BRDT: variants seen among roughly 807,000 people sequenced by gnomAD.
The protein encoded by BRDT is bromodomain testis associated.
In BRDT, 77 loss-of-function variants were observed where a neutral mutation model predicts 113.9. The ratio of observed to expected loss-of-function variants is 0.68; its 90% confidence interval spans 0.56 to 0.82. The LOEUF is 0.82. BRDT is among the 40% of genes least tolerant of loss of function. The probability of loss-of-function intolerance (pLI) is 0.00; values close to 1 mark genes in which losing one functional copy is unlikely to be tolerated. For missense variants in BRDT, 1,027 were observed against 1,105.4 expected, an observed-to-expected ratio of 0.93 and a Z score of 1.01; for synonymous variants, 358 against 366.5, an observed-to-expected ratio of 0.98 and a Z score of 0.26.
At chr1:91,964,048 G>T (rs564846633) in intron 2 of BRDT, among the ~76,000 whole-genome samples, 42 of 150,256 alleles carry the variant, frequency 2.8e-4, no homozygotes, top group Admixed American at 2.3e-3. Context: ...ATTTTCTGTT[G>T]TTTTTTTTTG....
At chr1:91,984,624 A>G (rs1685031637) in intron 12 of BRDT, among the ~76,000 whole-genome samples, 1 of 152,166 alleles carries the variant, frequency 6.6e-6, no homozygotes, top group South Asian at 2.1e-4. Context: ...AAATATAAAT[A>G]TGAAAAAATA....
rs374950160 is a variant in BRDT at position 91,982,751 on chromosome 1, A to G, written c.2002+996A>G. On this transcript the variant is annotated intron_variant, in intron 12 of 18. Transcript: ENST00000399546. ...TGCTGTATTTTGTTTTTACATTTCTAAAGTATGTAGTGATAAACATTTTTG... is the reference window on the plus strand; with the variant it reads ...TGCTGTATTTTGTTTTTACATTTCTGAAGTATGTAGTGATAAACATTTTTG... Among the ~76,000 whole-genome samples the G allele has an allele frequency of 3.9e-5, 6 of 152,036 alleles. No individual in the cohort carries two copies. In the East Asian group the frequency reaches 1.2e-3, roughly 29 times the overall value.
chr1:91,965,730 C>T (rs910417092), intron 3 of BRDT, among the ~76,000 whole-genome samples: 6 of 152,038 alleles, frequency 3.9e-5, no homozygotes, highest in African/African-American at 1.4e-4. Flanking sequence ...GCCTGTAGTC[C>T]CAGCTACTCG....
At chr1:92,008,734 G>T (rs1570656075) in intron 18 of BRDT, among the ~76,000 whole-genome samples, 1 of 152,156 alleles carries the variant, frequency 6.6e-6, no homozygotes, top group Non-Finnish European at 1.5e-5. Flanking sequence ...TGTCCAGAAT[G>T]TCATATAGTT....
At chr1:91,957,814 T>G (rs1232231990) in intron 1 of BRDT, among the ~76,000 whole-genome samples, 1 of 152,130 alleles carries the variant, frequency 6.6e-6, no homozygotes, top group East Asian at 1.9e-4. Context: ...TTTTACTATC[T>G]CTATAGTTTT....
intron 12 of BRDT, among the ~76,000 whole-genome samples, chr1:91,985,182 A>G (rs1685096714): frequency 6.6e-6 from 1 of 151,800 alleles, no homozygotes; most frequent in East Asian, 2.0e-4. Flanking sequence ...CCCGGGTTCA[A>G]GCGATCGAGT....
chr1:91,980,802 A>G lies in BRDT; in HGVS notation c.1447A>G (p.Lys483Glu). The G allele has an allele frequency of 6.3e-7, 1 of 1,597,238 alleles. No individual in the cohort carries two copies. Among genetic ancestry groups the G allele is most frequent in the African/African-American group, 1.4e-5 (1 of 73,662 alleles). The change falls in exon 9 of 19, where the codon AAG becomes GAG. Residue 483 changes from lysine to glutamate, a missense_variant. By Grantham distance (56) the Lys-to-Glu change is moderately conservative (BLOSUM62 1). Coordinates refer to ENST00000399546, the MANE Select transcript of BRDT (RefSeq NM_207189.4). ...GTGTGAGCAAATGAGGCTAAAGGAA[A>G]AGTCCAAGAGAAAGTAAGTATCTTT... Reference protein sequence around the residue: ...KMCEQMRLKEKSKRNQPKKRK... With the variant: ...KMCEQMRLKEESKRNQPKKRK...
chr1:91,999,671 A>G (rs74101069), intron 15 of BRDT, among the ~76,000 whole-genome samples: 10,179 of 152,094 alleles, frequency 0.067, 396 homozygotes, highest in African/African-American at 0.096. Flanking sequence ...ATCATTTTCT[A>G]TATATCATGA....
At chr1:92,006,913 G>A (rs766364783) in intron 18 of BRDT, among the ~76,000 whole-genome samples, 15 of 151,570 alleles carry the variant, frequency 9.9e-5, no homozygotes, top group Non-Finnish European at 1.8e-4. Flanking sequence ...TCAGCCTCCC[G>A]AGTAGCTGGG....
intron 12 of BRDT, among the ~76,000 whole-genome samples, chr1:91,984,607 AAAAAT>A (rs751643033): frequency 6.6e-6 from 1 of 152,200 alleles, no homozygotes; most frequent in Non-Finnish European, 1.5e-5. Context: ...TATGAATATG[AAAAAT>A]AAAATATAAA....
At chr1:91,963,650 T>C (rs1682743657) in intron 2 of BRDT, among the ~76,000 whole-genome samples, 1 of 152,172 alleles carries the variant, frequency 6.6e-6, no homozygotes, top group South Asian at 2.1e-4. Context: ...TAGTTTACAA[T>C]ATAGCTAGTC....
chr1:91,952,698 G>C (rs887240516), intron 1 of BRDT, among the ~76,000 whole-genome samples: 2 of 150,822 alleles, frequency 1.3e-5, no homozygotes, highest in Non-Finnish European at 2.9e-5. Flanking sequence ...CGTAGCACTT[G>C]GGGAGCTTGA....
At chr1:91,972,541 TG>T (rs1193678841) in intron 4 of BRDT, among the ~76,000 whole-genome samples, 1 of 152,226 alleles carries the variant, frequency 6.6e-6, no homozygotes, top group African/African-American at 2.4e-5. Context: ...CCTAAAATGG[TG>T]TCCAACACGC....
At chr1:91,961,976 T>G (rs1157527440) in intron 1 of BRDT, among the ~76,000 whole-genome samples, 1 of 151,606 alleles carries the variant, frequency 6.6e-6, no homozygotes, top group Non-Finnish European at 1.5e-5. Context: ...AAACCCCATC[T>G]CTACTAAAAA....
At chr1:91,985,031 A>G (rs1263892369) in intron 12 of BRDT, among the ~76,000 whole-genome samples, 1 of 152,134 alleles carries the variant, frequency 6.6e-6, no homozygotes, top group East Asian at 1.9e-4. Flanking sequence ...ATTCTGATTA[A>G]TAGGCTTTTG....
intron 1 of BRDT, among the ~76,000 whole-genome samples, chr1:91,956,218 C>T (rs919460960): frequency 6.6e-6 from 1 of 151,844 alleles, no homozygotes; most frequent in African/African-American, 2.4e-5. Flanking sequence ...TTTCTTTTGC[C>T]ACCTTTCTGG....
intron 18 of BRDT, among the ~76,000 whole-genome samples, chr1:92,010,084 T>C (rs1455040362): frequency 1.3e-5 from 2 of 152,056 alleles, no homozygotes; most frequent in African/African-American, 2.4e-5. Context: ...GTTTCAGCAA[T>C]TGTTTTCTTC....
intron 12 of BRDT, among the ~76,000 whole-genome samples, chr1:91,989,473 G>T (rs547178031): frequency 1.3e-5 from 2 of 151,994 alleles, no homozygotes; most frequent in Non-Finnish European, 2.9e-5. Context: ...CTATTCTCCC[G>T]CCTCAGCCTC....
Position 91,968,129 on chromosome 1 carries a change from TTTAA to T in BRDT, c.331-15_331-12del. 6.2e-7 allele frequency: 1 copy of T among 1,612,594 alleles called. No homozygotes were observed. The highest frequency in any genetic ancestry group is 8.5e-7 in the Non-Finnish European group (1 of 1,179,256). On this transcript the variant is annotated splice_polypyrimidine_tract_variant and intron_variant, in intron 3 of 18. Transcript: ENST00000399546. ...CCATACTGTATATCCTTATGGTATA[TTTAA>T]TATATTTTGTAGCCTGGAGATGACA...
Sources: gnomAD v4.1 joint callset for allele counts (sites outside exome capture counted in the v4.1 genomes callset) on GRCh38, gnomAD v4.1.1 for gene constraint, MANE v1.5 for transcripts, NCBI Gene and HGNC (gene_info 2026-07-23, HGNC 2026-07-21) for gene names.